The following FGF14 variants were observed in gnomAD, a reference collection of about 807,000 sequenced individuals.
FGF14 encodes fibroblast growth factor homologous factor 4.
In FGF14, 5 loss-of-function variants were observed where a neutral mutation model predicts 25.5. The observed-to-expected ratio is 0.20, with a 90% CI of 0.10 to 0.41. The LOEUF (loss-of-function observed/expected upper bound fraction) is 0.41, where lower values mean the gene tolerates loss of function less well. FGF14 is among the 10% of genes least tolerant of loss of function. The probability of loss-of-function intolerance (pLI) is 1.00; values close to 1 mark genes in which losing one functional copy is unlikely to be tolerated. For synonymous variants in FGF14, 138 were observed against 118.3 expected (o/e 1.17, Z -1.08); for missense variants, 222 against 320.1 (o/e 0.69, Z 2.34).
At chr13:102,147,600 A>C (rs9557814) in intron 1 of FGF14, among the ~76,000 whole-genome samples, 20,182 of 152,080 alleles carry the variant, frequency 0.13, 1,315 homozygotes, top group East Asian at 0.15. Flanking sequence ...TCTCTTGTAC[A>C]TGTCAAAAAT....
intron 1 of FGF14, among the ~76,000 whole-genome samples, chr13:102,017,654 CT>C (rs1240325282): frequency 1.3e-5 from 2 of 152,130 alleles, no homozygotes; most frequent in South Asian, 2.1e-4. Flanking sequence ...AGACTTGAAA[CT>C]TTCTTTAGTT....
intron 1 of FGF14, chr13:102,395,215 A>T (rs1252285493): frequency 6.7e-6 from 1 of 150,028 alleles, no homozygotes; most frequent in Non-Finnish European, 1.5e-5. Flanking sequence ...CTTCAGAGAA[A>T]GGAGCTCAAA....
chr13:101,860,289 T>G lies in FGF14; in HGVS notation c.408+8436A>C, dbSNP rs545241816. 3.9e-5 allele frequency among the ~76,000 whole-genome samples: 6 copies of G among 152,196 alleles called. No homozygotes were observed. The East Asian group carries it at 1.2e-3, about 30-fold the overall frequency. On this transcript the variant is annotated intron_variant, in intron 3 of 4. Transcript: ENST00000376143. ...CGAGGAGACATTTCTTGTCCTTTTC[T>G]TCCCACAGACTAAGAGGAGTGACCA... is the stretch of plus-strand genomic sequence containing the variant.
At chr13:102,095,061 C>T (rs183095851) in intron 1 of FGF14, among the ~76,000 whole-genome samples, 73 of 152,134 alleles carry the variant, frequency 4.8e-4, no homozygotes, top group African/African-American at 1.5e-3. Flanking sequence ...TTGGAGATAC[C>T]GTCATTGTTA....
intron 1 of FGF14, among the ~76,000 whole-genome samples, chr13:102,025,806 G>A (rs368390453): frequency 1.1e-4 from 17 of 152,046 alleles, no homozygotes; most frequent in African/African-American, 4.1e-4. Context: ...ATTTTTCATT[G>A]TTAGTATATA....
chr13:101,776,865 A>G (rs1276802493), intron 3 of FGF14, among the ~76,000 whole-genome samples: 1 of 152,142 alleles, frequency 6.6e-6, no homozygotes, highest in Admixed American at 6.5e-5. Flanking sequence ...TGGCAAATTC[A>G]GTTTTTGGTG....
intron 1 of FGF14, among the ~76,000 whole-genome samples, chr13:102,011,605 C>A (rs1238542641): frequency 6.6e-6 from 1 of 152,028 alleles, no homozygotes; most frequent in African/African-American, 2.4e-5. Context: ...TTATCCATAG[C>A]TGAGAGCATA....
chr13:102,143,177 G>A (rs577685868), intron 1 of FGF14, among the ~76,000 whole-genome samples: 20 of 152,256 alleles, frequency 1.3e-4, no homozygotes, highest in South Asian at 1.0e-3. Flanking sequence ...GAAACAGCAC[G>A]TCTCAATCTG....
chr13:102,264,449 G>A (rs935271433), intron 1 of FGF14, among the ~76,000 whole-genome samples: 1 of 152,134 alleles, frequency 6.6e-6, no homozygotes, highest in Non-Finnish European at 1.5e-5. Context: ...ATGGCTATTA[G>A]ATCGTCTGTG....
At chr13:102,055,147 C>G (rs2042375027) in intron 1 of FGF14, among the ~76,000 whole-genome samples, 1 of 152,230 alleles carries the variant, frequency 6.6e-6, no homozygotes, top group Non-Finnish European at 1.5e-5. Context: ...ATACAAAAAT[C>G]CAACCTAGTT....
chr13:102,015,478 A>G (rs1055911397), intron 1 of FGF14, among the ~76,000 whole-genome samples: 1 of 152,218 alleles, frequency 6.6e-6, no homozygotes, highest in Non-Finnish European at 1.5e-5. Context: ...TCAATTATAC[A>G]TTAATTTTTC....
rs191349404 is a variant in FGF14 at position 102,068,809 on chromosome 13, C to G, written c.209-193513G>C. 5.6e-4 allele frequency among the ~76,000 whole-genome samples: 86 copies of G among 152,348 alleles called. No homozygotes were observed. The Middle Eastern group carries it at 0.014, about 24-fold the overall frequency. On this transcript the variant is annotated intron_variant, in intron 1 of 4. Coordinates refer to the FGF14 transcript ENST00000376131. Reference sequence around the variant, plus strand: ...AGCCTCCCCGACGAGCACCACCCCCCTGCTCCAAGGTGCCCAGTCCCATCA... The same window carrying G: ...AGCCTCCCCGACGAGCACCACCCCCGTGCTCCAAGGTGCCCAGTCCCATCA...
intron 3 of FGF14, chr13:101,801,840 C>T (rs1049817594): frequency 7.6e-6 from 2 of 263,902 alleles, no homozygotes; most frequent in Non-Finnish European, 1.5e-5. Flanking sequence ...AGGCATCATG[C>T]CCTACACTGC....
intron 1 of FGF14, among the ~76,000 whole-genome samples, chr13:102,210,011 A>G (rs2050095753): frequency 6.6e-6 from 1 of 152,044 alleles, no homozygotes. Flanking sequence ...ACCCCAGATG[A>G]ATAAACTAAT....
At chr13:102,290,711 G>A (rs780388978) in intron 1 of FGF14, among the ~76,000 whole-genome samples, 1 of 152,116 alleles carries the variant, frequency 6.6e-6, no homozygotes, top group Admixed American at 6.6e-5. Context: ...CTTTATTCTG[G>A]AGTAAGTGAT....
chr13:102,085,068 G>A (rs207474325), intron 1 of FGF14, among the ~76,000 whole-genome samples: 1 of 152,114 alleles, frequency 6.6e-6, no homozygotes, highest in Non-Finnish European at 1.5e-5. Context: ...GTTAAACAAC[G>A]GACATTAACA....
intron 1 of FGF14, among the ~76,000 whole-genome samples, chr13:102,139,766 A>AAGCTTTCAGC (rs67242982): frequency 1.3e-5 from 2 of 151,712 alleles, no homozygotes; most frequent in African/African-American, 2.4e-5. Context: ...CTATCCCAAG[A>AAGCTTTCAGC]AGCTTTCAGC....
At chr13:102,016,145 G>A (rs1311413770) in intron 1 of FGF14, among the ~76,000 whole-genome samples, 1 of 151,986 alleles carries the variant, frequency 6.6e-6, no homozygotes, top group Non-Finnish European at 1.5e-5. Flanking sequence ...AGTTCATTTA[G>A]TCATCAAAAT....
chr13:102,195,559 G>T (rs2049310704), intron 1 of FGF14, among the ~76,000 whole-genome samples: 2 of 149,978 alleles, frequency 1.3e-5, no homozygotes, highest in South Asian at 4.2e-4. Flanking sequence ...CATAAAAGAA[G>T]AAAATAATGG....
Sources: gnomAD v4.1 joint callset for allele counts (sites outside exome capture counted in the v4.1 genomes callset) on GRCh38, gnomAD v4.1.1 for gene constraint, MANE v1.5 for transcripts, NCBI Gene and HGNC (gene_info 2026-07-23, HGNC 2026-07-21) for gene names.